KCNQ5: variants seen among roughly 807,000 people sequenced by gnomAD.
The protein encoded by KCNQ5 is potassium voltage-gated channel subfamily KQT member 5.
Under a neutral mutation model 98.2 loss-of-function variants are expected in KCNQ5, and 30 were observed. That is an observed-to-expected ratio of 0.31 (90% CI 0.23 to 0.41). The LOEUF (loss-of-function observed/expected upper bound fraction) is 0.41, where lower values mean the gene tolerates loss of function less well. Among genes scored for constraint, KCNQ5 ranks in the 10% least tolerant of loss-of-function variants. The pLI, the probability that KCNQ5 is intolerant of heterozygous loss-of-function variation, is 1.00. For missense variants in KCNQ5, 835 were observed against 1,182.5 expected (o/e 0.71, Z 4.31); for synonymous variants, 458 against 449.4 (o/e 1.02, Z -0.24).
intron 5 of KCNQ5, among the ~76,000 whole-genome samples, chr6:73,100,501 C>T (rs537978384): frequency 3.6e-5 from 3 of 82,410 alleles, no homozygotes; most frequent in African/African-American, 5.4e-5. Context: ...CCTGTCTCTA[C>T]TAAAAAATAC....
chr6:73,144,095 G>A (rs1184786906), intron 10 of KCNQ5, among the ~76,000 whole-genome samples: 2 of 151,962 alleles, frequency 1.3e-5, no homozygotes, highest in Non-Finnish European at 2.9e-5. Flanking sequence ...TGCTCTACTT[G>A]GTAAAGAAGG....
At chr6:72,715,195 G>T (rs562926465) in intron 1 of KCNQ5, among the ~76,000 whole-genome samples, 1 of 152,286 alleles carries the variant, frequency 6.6e-6, no homozygotes, top group African/African-American at 2.4e-5. Context: ...TTTATCCGTA[G>T]CCTGGCCAAT....
chr6:72,847,941 AAATAATATATCAC>A (rs1777086051), intron 1 of KCNQ5, among the ~76,000 whole-genome samples: 1 of 152,156 alleles, frequency 6.6e-6, no homozygotes, highest in South Asian at 2.1e-4. Context: ...GGTATAATCA[AAATAATATATCAC>A]AAGCCATGAA....
At chr6:73,150,814 G>A (rs1203675608) in intron 10 of KCNQ5, among the ~76,000 whole-genome samples, 1 of 91,286 alleles carries the variant, frequency 1.1e-5, no homozygotes, top group African/African-American at 3.9e-5. Flanking sequence ...ATGTAGTGTG[G>A]GAAGTGTATA....
At chr6:73,152,662 C>T (rs1777198245) in intron 10 of KCNQ5, among the ~76,000 whole-genome samples, 1 of 152,062 alleles carries the variant, frequency 6.6e-6, no homozygotes, top group African/African-American at 2.4e-5. Flanking sequence ...AATGTTTTCT[C>T]ATAATAAAAT....
chr6:73,016,348 A>C (rs1166099048), intron 2 of KCNQ5, among the ~76,000 whole-genome samples: 3 of 152,062 alleles, frequency 2.0e-5, no homozygotes, highest in Non-Finnish European at 4.4e-5. Context: ...CAACTGAAGG[A>C]GGGTAAGCCA....
intron 3 of KCNQ5, among the ~76,000 whole-genome samples, chr6:73,050,597 G>A (rs548219214): frequency 6.6e-5 from 10 of 152,010 alleles, no homozygotes; most frequent in Admixed American, 3.3e-4. Context: ...TTTTACATGC[G>A]CTCAATTTTT....
chr6:72,821,312 A>G (rs1192486557), intron 1 of KCNQ5, among the ~76,000 whole-genome samples: 2 of 152,218 alleles, frequency 1.3e-5, no homozygotes, highest in Non-Finnish European at 2.9e-5. Flanking sequence ...GAGTCATTCT[A>G]AAGAAGGAAT....
intron 2 of KCNQ5, among the ~76,000 whole-genome samples, chr6:73,026,904 A>G (rs907014184): frequency 2.6e-5 from 4 of 152,100 alleles, no homozygotes; most frequent in African/African-American, 9.7e-5. Context: ...ACATTCCATA[A>G]ATGGCAGACC....
chr6:72,825,404 T>G lies in KCNQ5; in HGVS notation c.399-178504T>G, dbSNP rs182523148. Among the ~76,000 whole-genome samples, 53 of 152,290 alleles carry G rather than the reference T, an allele frequency of 3.5e-4. 1 individual carries two copies. Among genetic ancestry groups the G allele is most frequent in the South Asian group, 2.5e-3 (12 of 4,818 alleles). On this transcript the variant is annotated intron_variant, in intron 1 of 13. Transcript: ENST00000370398. ...AGATCCTTGAAAGTAAGTATTTTTGTTTGTTTTATACATATCTCCCCAGCA... is the reference window on the plus strand; with the variant it reads ...AGATCCTTGAAAGTAAGTATTTTTGGTTGTTTTATACATATCTCCCCAGCA...
chr6:72,960,959 C>G (rs1767314681), intron 1 of KCNQ5, among the ~76,000 whole-genome samples: 2 of 152,160 alleles, frequency 1.3e-5, no homozygotes, highest in South Asian at 4.1e-4. Context: ...GCCTGAGGAA[C>G]AGCTCATCTC....
At chr6:72,944,722 C>A (rs1766457594) in intron 1 of KCNQ5, among the ~76,000 whole-genome samples, 1 of 152,164 alleles carries the variant, frequency 6.6e-6, no homozygotes, top group African/African-American at 2.4e-5. Flanking sequence ...CTCTGAAAAA[C>A]CTGCCACCAA....
At chr6:72,996,456 TAAA>T (rs1006193412) in intron 1 of KCNQ5, among the ~76,000 whole-genome samples, 6 of 152,216 alleles carry the variant, frequency 3.9e-5, no homozygotes, top group African/African-American at 1.4e-4. Flanking sequence ...GAGAAATTCT[TAAA>T]ATACGGTAAG....
chr6:73,152,315 G>T (rs1273972332), intron 10 of KCNQ5, among the ~76,000 whole-genome samples: 1 of 151,784 alleles, frequency 6.6e-6, no homozygotes, highest in Admixed American at 6.6e-5. Context: ...TTGCATACTG[G>T]CCCCGATTTT....
At chr6:73,121,988 A>G (rs1217617601) in intron 8 of KCNQ5, among the ~76,000 whole-genome samples, 1 of 152,246 alleles carries the variant, frequency 6.6e-6, no homozygotes, top group African/African-American at 2.4e-5. Context: ...TAGCATGGAT[A>G]GAAGCATGGA....
At chr6:73,008,916 C>A (rs1468066324) in intron 2 of KCNQ5, among the ~76,000 whole-genome samples, 1 of 152,104 alleles carries the variant, frequency 6.6e-6, no homozygotes, top group Non-Finnish European at 1.5e-5. Flanking sequence ...TTTTTTCCAA[C>A]CACAATGGGA....
At chr6:72,632,951 A>T (rs1341645832) in intron 1 of KCNQ5, among the ~76,000 whole-genome samples, 2 of 152,116 alleles carry the variant, frequency 1.3e-5, no homozygotes, top group Non-Finnish European at 2.9e-5. Context: ...ATACCCAGTA[A>T]TGGGATTGCT....
At chr6:72,686,804 T>A (rs1466475255) in intron 1 of KCNQ5, among the ~76,000 whole-genome samples, 7 of 151,758 alleles carry the variant, frequency 4.6e-5, no homozygotes, top group Non-Finnish European at 2.9e-5. Flanking sequence ...TCCAATATCT[T>A]TGTTTGATTT....
intron 1 of KCNQ5, among the ~76,000 whole-genome samples, chr6:72,730,106 A>C (rs901440964): frequency 2.6e-5 from 4 of 152,186 alleles, no homozygotes; most frequent in Non-Finnish European, 4.4e-5. Context: ...ACAGTGAGCT[A>C]TGATCACACC....
Sources: gnomAD v4.1 joint callset for allele counts (sites outside exome capture counted in the v4.1 genomes callset) on GRCh38, gnomAD v4.1.1 for gene constraint, MANE v1.5 for transcripts, NCBI Gene and HGNC (gene_info 2026-07-23, HGNC 2026-07-21) for gene names.